KCNQ3: variants seen among roughly 807,000 people sequenced by gnomAD.
KCNQ3 encodes potassium voltage-gated channel subfamily KQT member 3.
KCNQ3 carries 30 observed loss-of-function variants against 92.5 expected under a neutral mutation model. The ratio of observed to expected loss-of-function variants is 0.32; its 90% CI spans 0.24 to 0.44. The LOEUF (loss-of-function observed/expected upper bound fraction) is 0.44. Ranked by LOEUF, KCNQ3 falls within the 20% of genes least tolerant of loss-of-function variation. The pLI, the probability that KCNQ3 is intolerant of heterozygous loss-of-function variation, is 1.00. For synonymous variants in KCNQ3, 450 were observed against 468.8 expected, an observed-to-expected ratio of 0.96 and a Z score of 0.52; for missense variants, 913 against 1,140.3, an observed-to-expected ratio of 0.80 and a Z score of 2.87.
At chr8:132,260,756 C>CTCCA (rs1384397702) in intron 1 of KCNQ3, among the ~76,000 whole-genome samples, 1 of 151,968 alleles carries the variant, frequency 6.6e-6, no homozygotes, top group South Asian at 2.1e-4. Context: ...CCATCCAACA[C>CTCCA]TCCATCCATC....
At position 132,154,193 on chromosome 8, in the gene KCNQ3, GTTTTTTTTT is replaced by G. The variant is rs869112851; in HGVS notation, c.1262+9266_1262+9274del. On this transcript the variant is annotated intron_variant, in intron 9 of 14. Coordinates refer to ENST00000388996, the MANE Select transcript of KCNQ3 (RefSeq NM_004519.4). ...CTGATGTACCATCAAAAGGGTAAAAGTTTTTTTTTTTTTTTTTTTTTTTTTTTTTTAGCC... is the reference window on the plus strand; with the variant it reads ...CTGATGTACCATCAAAAGGGTAAAAGTTTTTTTTTTTTTTTTTTTTTAGCC... Among the ~76,000 whole-genome samples, 54 of 27,492 alleles carry G rather than the reference GTTTTTTTTT, an allele frequency of 2.0e-3. 1 individual carries two copies. The highest frequency in any genetic ancestry group is 0.038 in the Middle Eastern group (2 of 52). The allele number at this position is 27,492 out of a possible 152,430, so 18.0% of individuals were successfully genotyped here. A position where few individuals can be genotyped will look rare whatever the true frequency, so the allele number is the denominator to read the frequency against.
chr8:132,216,209 A>G (rs1309825692), intron 1 of KCNQ3, among the ~76,000 whole-genome samples: 2 of 152,222 alleles, frequency 1.3e-5, no homozygotes, highest in Non-Finnish European at 2.9e-5. Context: ...AATGATGACA[A>G]CAGCAACAGC....
intron 1 of KCNQ3, among the ~76,000 whole-genome samples, chr8:132,200,308 G>A (rs1827419835): frequency 6.6e-6 from 1 of 152,166 alleles, no homozygotes; most frequent in African/African-American, 2.4e-5. Flanking sequence ...TTATGCCACT[G>A]TATTTGTTTA....
In KCNQ3 at chr8:132,227,838, A is replaced by G. The variant is rs149140034; in HGVS notation, c.387-41657T>C. On this transcript the variant is annotated intron_variant, in intron 1 of 14. Coordinates refer to ENST00000388996, the MANE Select transcript of KCNQ3 (RefSeq NM_004519.4). ...GCAATTAGAACCACGATCAATGGGA[A>G]GAGGTAGTCTTTCACACAGAGAATC... 1.7e-3 allele frequency among the ~76,000 whole-genome samples: 253 copies of G among 152,358 alleles called. 7 individuals are homozygous for G. In the East Asian group the frequency reaches 0.042, roughly 25 times the overall value.
intron 1 of KCNQ3, among the ~76,000 whole-genome samples, chr8:132,241,431 C>T (rs760860100): frequency 1.3e-5 from 2 of 150,708 alleles, no homozygotes; most frequent in African/African-American, 2.4e-5. Flanking sequence ...GAATTTCGCT[C>T]TTGTTGCCCA....
At chr8:132,373,678 T>C (rs978002550) in intron 1 of KCNQ3, among the ~76,000 whole-genome samples, 1 of 152,104 alleles carries the variant, frequency 6.6e-6, no homozygotes, top group Non-Finnish European at 1.5e-5. Flanking sequence ...GCTTGCTGAC[T>C]GCATTGAAAG....
In KCNQ3 at chr8:132,124,429, C is replaced by T. The variant is rs1824597949; in HGVS notation, c.*4833G>A. On this transcript the variant is annotated 3_prime_UTR_variant, in exon 15 of 15. Coordinates refer to ENST00000388996, the MANE Select transcript of KCNQ3 (RefSeq NM_004519.4). The stretch of plus-strand genomic sequence containing the variant: ...CTTTGTGTGTACATTGATTGTCTCA[C>T]TTGAAAATCAAAACACGGCAGAAGA... 6.6e-6 allele frequency: 1 copy of T among 152,232 alleles called. No individual in the cohort carries two copies. Among genetic ancestry groups the T allele is most frequent in the Non-Finnish European group, 1.5e-5 (1 of 68,034 alleles). The allele number at this position is 152,232 out of a possible 1,614,324, so 9.4% of individuals were successfully genotyped here.
intron 1 of KCNQ3, among the ~76,000 whole-genome samples, chr8:132,213,780 T>A (rs1440473294): frequency 3.9e-5 from 6 of 152,216 alleles, no homozygotes; most frequent in African/African-American, 1.4e-4. Flanking sequence ...CAAGTCCACT[T>A]ATCAAGGTCC....
At chr8:132,417,297 C>T (rs1820842828) in intron 1 of KCNQ3, among the ~76,000 whole-genome samples, 1 of 152,180 alleles carries the variant, frequency 6.6e-6, no homozygotes, top group African/African-American at 2.4e-5. Context: ...TTGTCAGAAA[C>T]CAGGAAAACT....
intron 8 of KCNQ3, among the ~76,000 whole-genome samples, chr8:132,164,700 G>A (rs1294264917): frequency 6.6e-6 from 1 of 152,168 alleles, no homozygotes; most frequent in Non-Finnish European, 1.5e-5. Flanking sequence ...GTAGTAAGGG[G>A]AAGGAAAGGG....
chr8:132,425,043 G>A (rs951951298), intron 1 of KCNQ3, among the ~76,000 whole-genome samples: 5 of 152,116 alleles, frequency 3.3e-5, no homozygotes, highest in Non-Finnish European at 2.9e-5. Context: ...TTTCTTCCTG[G>A]GGATTCCCAG....
chr8:132,126,602 AT>A lies in KCNQ3; in HGVS notation c.*2659del, dbSNP rs2130918399. 1 of 152,114 alleles carries A rather than the reference AT, an allele frequency of 6.6e-6. No individual in the cohort carries two copies. Among genetic ancestry groups the A allele is most frequent in the African/African-American group, 2.4e-5 (1 of 41,492 alleles). The allele number at this position is 152,114 out of a possible 1,614,324, so 9.4% of individuals were successfully genotyped here. A position where few individuals can be genotyped will look rare whatever the true frequency, so the allele number is the denominator to read the frequency against. On this transcript the variant is annotated 3_prime_UTR_variant, in exon 15 of 15. Transcript: ENST00000388996. ...CATTCATAAAACATGTATTTTGTCT[AT>A]GTCTATACTGATAAAGACAACTTAC...
At chr8:132,180,059 G>A in intron 4 of KCNQ3, 98 bp downstream of exon 4, 9 of 1,314,340 alleles carry the variant, frequency 6.8e-6, no homozygotes, top group African/African-American at 1.4e-5. Context: ...GTGGCAGAAT[G>A]ACTGCCTTCT....
Position 132,127,956 on chromosome 8 carries a change from T to A in KCNQ3, c.*1306A>T, listed in dbSNP as rs1373698041. On this transcript the variant is annotated 3_prime_UTR_variant, in exon 15 of 15. Transcript: ENST00000388996. ...AATTTGGAAAAGTAAAATTGGACGG[T>A]TCTGGAAATTTTGCCTGTTTACACA... The A allele has an allele frequency of 1.3e-5, 2 of 152,174 alleles. No homozygotes were observed. Among genetic ancestry groups the A allele is most frequent in the Non-Finnish European group, 2.9e-5 (2 of 68,032 alleles). 9.4% of individuals were successfully genotyped at this position (152,174 alleles called of 1,614,324 possible). A position where few individuals can be genotyped will look rare whatever the true frequency, so the allele number is the denominator to read the frequency against.
chr8:132,317,407 C>G (rs1209102151), intron 1 of KCNQ3, among the ~76,000 whole-genome samples: 1 of 152,200 alleles, frequency 6.6e-6, no homozygotes, highest in Non-Finnish European at 1.5e-5. Flanking sequence ...TGCAAATTCA[C>G]TTTTAACTCT....
At chr8:132,261,779 G>A (rs1260869166) in intron 1 of KCNQ3, among the ~76,000 whole-genome samples, 1 of 152,152 alleles carries the variant, frequency 6.6e-6, no homozygotes, top group African/African-American at 2.4e-5. Flanking sequence ...TTGGGAATGA[G>A]GCTTCTCTGC....
intron 3 of KCNQ3, 74 bp downstream of exon 3, chr8:132,184,167 A>G (rs1285776155): frequency 3.1e-6 from 5 of 1,594,620 alleles, no homozygotes; most frequent in Non-Finnish European, 3.4e-6. Flanking sequence ...ATAGCTGCTT[A>G]AACTTTTCTC....
intron 1 of KCNQ3, among the ~76,000 whole-genome samples, chr8:132,234,381 A>G (rs1290220197): frequency 7.9e-6 from 1 of 126,582 alleles, no homozygotes; most frequent in African/African-American, 3.0e-5. Flanking sequence ...GTGAAAGGCC[A>G]AGCAGTTCTT....
chr8:132,428,168 T>A (rs1439053399), intron 1 of KCNQ3, among the ~76,000 whole-genome samples: 1 of 148,606 alleles, frequency 6.7e-6, no homozygotes, highest in East Asian at 1.9e-4. Flanking sequence ...TTTGAAACTG[T>A]CCTCCTCTTT....
Sources: allele counts gnomAD v4.1 joint callset (sites outside exome capture counted in the v4.1 genomes callset), GRCh38; gene constraint gnomAD v4.1.1; transcripts MANE v1.5; gene names NCBI Gene and HGNC (gene_info 2026-07-23, HGNC 2026-07-21).